PHKA1: variants seen among roughly 807,000 people sequenced by gnomAD.
The protein encoded by PHKA1 is phosphorylase b kinase regulatory subunit alpha, skeletal muscle isoform.
PHKA1 carries 60 observed loss-of-function variants against 110.2 expected under a neutral mutation model. That is an observed-to-expected ratio of 0.54 (90% CI 0.44 to 0.68). The LOEUF (loss-of-function observed/expected upper bound fraction) is 0.68, where lower values mean the gene tolerates loss of function less well. Among genes scored for constraint, PHKA1 ranks in the 30% least tolerant of loss-of-function variants. The probability of loss-of-function intolerance (pLI) is 0.00; values close to 1 mark genes in which losing one functional copy is unlikely to be tolerated. For missense variants in PHKA1, 801 were observed against 942.5 expected (o/e 0.85, Z 1.97); for synonymous variants, 316 against 333.6 (o/e 0.95, Z 0.58).
At position 72,656,228 on chromosome X, in the gene PHKA1, C is replaced by T; in HGVS notation, c.933G>A (p.Leu311=). 8.3e-7 allele frequency: 1 copy of T among 1,210,458 alleles called. No individual in the cohort carries two copies. Among genetic ancestry groups the T allele is most frequent in the South Asian group, 1.8e-5 (1 of 56,970 alleles). The change falls in exon 10 of 32, where the codon CTG becomes CTA. Residue 311 remains leucine, a synonymous_variant. Transcript: ENST00000373542. ...GCTTCAGCTCAGCTGGTTCATAGTACAGACGATTGGGATCCTAGTAAAAAC... is the reference window on the plus strand; with the variant it reads ...GCTTCAGCTCAGCTGGTTCATAGTATAGACGATTGGGATCCTAGTAAAAAC... ...YKTPKEDPNR[L]YYEPAELKLF... is the part of the protein sequence containing the mutation.
At chrX:72,650,562 C>T in intron 12 of PHKA1, 94 bp from the exon 13 acceptor site, 1 of 681,053 alleles carries the variant, frequency 1.5e-6, no homozygotes, top group Non-Finnish European at 2.3e-6. Flanking sequence ...TAACCTTGCA[C>T]CATAACATTC....
intron 6 of PHKA1, among the ~76,000 whole-genome samples, chrX:72,674,169 G>A (rs187136128): frequency 3.6e-5 from 4 of 110,492 alleles, no homozygotes; most frequent in African/African-American, 1.3e-4. Flanking sequence ...GTATTCCATG[G>A]TGTATATGTG....
rs951121342 is a variant in PHKA1 at position 72,644,568 on chromosome X, A to G, written c.1325-72T>C. 3 of 971,338 alleles carry G rather than the reference A, an allele frequency of 3.1e-6. No homozygotes were observed. In the African/African-American group the frequency reaches 5.8e-5, roughly 19 times the overall value. 80.0% of individuals were successfully genotyped at this position (971,338 alleles called of 1,213,427 possible). On this transcript the variant is annotated intron_variant, in intron 13 of 31. Transcript: ENST00000373542. ...TAGCAACTTAACAATCTCTCAAGTT[A>G]TATAATTTCTTTTAAAGAGAAAAAA...
chrX:72,618,909 T>A, intron 20 of PHKA1, 60 bp from the exon 21 acceptor site: 1 of 1,025,238 alleles, frequency 9.8e-7, no homozygotes. Flanking sequence ...TTAAATAATG[T>A]CCTAGAATGA....
Position 72,712,858 on chromosome X carries a change from G to A in PHKA1, c.158C>T (p.Ala53Val), listed in dbSNP as rs1556335311. The A allele has an allele frequency of 2.5e-6, 3 of 1,209,934 alleles. No homozygotes were observed. The South Asian group carries it at 5.3e-5, about 21-fold the overall frequency. Residue 53 changes from alanine (A) to valine (V), a missense_variant, in exon 2 of 32, where the codon GCT (alanine) becomes GTT (valine). This residue lies in a region of PHKA1 where 299 missense variants were observed against 423.3 expected (regional missense o/e 0.71). Coordinates refer to ENST00000373542, the MANE Select transcript of PHKA1 (RefSeq NM_002637.4). The part of the protein sequence containing the change: ...WVRDNVYSIL[A>V]VWGLGLAYRK... ...ATAGGCCAGGCCCAAACCCCACACA[G>A]CCAAGATGCTGTACACATTATCTCG... is the stretch of plus-strand genomic sequence containing the variant.
At chrX:72,613,117 A>T (rs1556263276) in intron 21 of PHKA1, among the ~76,000 whole-genome samples, 1 of 111,834 alleles carries the variant, frequency 8.9e-6, no homozygotes, top group Non-Finnish European at 1.9e-5. Context: ...GGCTGAACAC[A>T]GGCAAGTCCC....
intron 19 of PHKA1, among the ~76,000 whole-genome samples, chrX:72,620,500 C>T (rs782024749): frequency 1.8e-5 from 2 of 112,028 alleles, no homozygotes; most frequent in African/African-American, 6.5e-5. Context: ...TACCATGTTA[C>T]CAGTTAAACC....
chrX:72,683,258 C>T (rs1245201106), intron 5 of PHKA1, among the ~76,000 whole-genome samples: 4 of 111,033 alleles, frequency 3.6e-5, no homozygotes, highest in Non-Finnish European at 5.7e-5. Context: ...GGCAACATAG[C>T]GAAACCTCGT....
intron 6 of PHKA1, 132 bp downstream of exon 6, chrX:72,675,938 C>A: frequency 3.8e-6 from 2 of 520,178 alleles, no homozygotes; most frequent in Non-Finnish European, 6.7e-6. Context: ...ACAGGAGAAT[C>A]TGAATGTTGC....
intron 3 of PHKA1, among the ~76,000 whole-genome samples, chrX:72,701,071 T>C (rs1262177273): frequency 1.8e-5 from 2 of 112,728 alleles, no homozygotes; most frequent in Non-Finnish European, 3.7e-5. Flanking sequence ...GTGAGTATTC[T>C]TAACTTATGG....
At chrX:72,711,818 T>C (rs932906751) in intron 2 of PHKA1, 2 of 111,695 alleles carry the variant, frequency 1.8e-5, no homozygotes, top group Non-Finnish European at 3.8e-5. Flanking sequence ...TAATTTTTTT[T>C]TTTTTGGTGG....
intron 14 of PHKA1, among the ~76,000 whole-genome samples, chrX:72,641,904 T>C (rs1480748936): frequency 8.9e-6 from 1 of 111,874 alleles, no homozygotes; most frequent in Admixed American, 9.5e-5. Flanking sequence ...CTTTCTTCTG[T>C]GTTTTATATG....
chrX:72,668,475 TC>T (rs1175452513), intron 6 of PHKA1, among the ~76,000 whole-genome samples: 1 of 112,382 alleles, frequency 8.9e-6, no homozygotes, highest in African/African-American at 3.2e-5. Flanking sequence ...AAACATTTTT[TC>T]CTAATGTGAT....
At chrX:72,613,894 T>C (rs1413657788) in intron 21 of PHKA1, among the ~76,000 whole-genome samples, 1 of 111,725 alleles carries the variant, frequency 9.0e-6, no homozygotes, top group Non-Finnish European at 1.9e-5. Context: ...AATTGAGGGA[T>C]ATTCTGCAAA....
intron 8 of PHKA1, among the ~76,000 whole-genome samples, chrX:72,658,124 G>A (rs2053517848): frequency 1.8e-5 from 2 of 111,908 alleles, no homozygotes; most frequent in Admixed American, 1.9e-4. Context: ...TTCCGTTATA[G>A]TCACATCTTA....
At chrX:72,582,687 T>A in intron 30 of PHKA1, 89 bp from the exon 31 acceptor site, 1 of 602,202 alleles carries the variant, frequency 1.7e-6, no homozygotes, top group Non-Finnish European at 2.8e-6. Context: ...AAAAACACTG[T>A]AGCCATGAGC....
Position 72,605,416 on chromosome X carries a change from A to ATAC in PHKA1, c.2686-17_2686-16insGTA. The ATAC allele has an allele frequency of 8.3e-7, 1 of 1,205,450 alleles. No homozygotes were observed. The highest frequency in any genetic ancestry group is 1.1e-6 in the Non-Finnish European group (1 of 889,815). ...CCATTATTTCCTGCACACAGAGTAG[A>ATAC]TATAGACAAAAATAATGGCCTAGGT... On this transcript the variant is annotated splice_polypyrimidine_tract_variant and intron_variant, in intron 24 of 31. Coordinates refer to ENST00000373542, the MANE Select transcript of PHKA1 (RefSeq NM_002637.4).
chrX:72,676,557 C>T (rs782739583), intron 5 of PHKA1, among the ~76,000 whole-genome samples: 7 of 112,195 alleles, frequency 6.2e-5, no homozygotes, highest in East Asian at 5.6e-4. Flanking sequence ...GTACTGACAA[C>T]GTACCATGCA....
At position 72,618,693 on chromosome X, in the gene PHKA1, T is replaced by C. The variant is rs2052932785; in HGVS notation, c.2369+17A>G. 1 of 1,156,368 alleles carries C rather than the reference T, an allele frequency of 8.6e-7. No homozygotes were observed. The highest frequency in any genetic ancestry group is 1.2e-6 in the Non-Finnish European group (1 of 845,383). On this transcript the variant is annotated intron_variant, in intron 21 of 31. Coordinates refer to ENST00000373542, the MANE Select transcript of PHKA1 (RefSeq NM_002637.4). ...GATTATGAACATTAAACTAGATTGA[T>C]AATATCCACCACTTACTTCATAGTA... is the stretch of plus-strand genomic sequence containing the variant.
Sources: gnomAD v4.1 joint callset for allele counts (sites outside exome capture counted in the v4.1 genomes callset) on GRCh38, gnomAD v4.1.1 for gene constraint, gnomAD v4.1.1 regional missense constraint, MANE v1.5 for transcripts, NCBI Gene and HGNC (gene_info 2026-07-23, HGNC 2026-07-21) for gene names.